CREB3L2: variants seen among roughly 807,000 people sequenced by gnomAD.
CREB3L2 encodes cAMP responsive element binding protein 3 like 2.
A neutral mutation model predicts 57.2 loss-of-function variants in CREB3L2; 23 were observed. That is an observed-to-expected ratio of 0.40 (90% confidence interval 0.29 to 0.57). The LOEUF (loss-of-function observed/expected upper bound fraction) is 0.57, where lower values mean the gene tolerates loss of function less well. Among genes scored for constraint, CREB3L2 ranks in the 20% least tolerant of loss-of-function variants. CREB3L2 has a pLI of 0.42. For synonymous variants in CREB3L2, 268 were observed against 265.1 expected, an observed-to-expected ratio of 1.01 and a Z score of -0.11; for missense variants, 628 against 634.7, an observed-to-expected ratio of 0.99 and a Z score of 0.11.
intron 1 of CREB3L2, among the ~76,000 whole-genome samples, chr7:137,948,055 C>G (rs1460821168): frequency 6.6e-6 from 1 of 152,216 alleles, no homozygotes; most frequent in African/African-American, 2.4e-5. Context: ...ACTTCCATAC[C>G]TGACCTCAAC....
At chr7:137,902,993 A>AT (rs1044410927) in intron 7 of CREB3L2, among the ~76,000 whole-genome samples, 1 of 151,076 alleles carries the variant, frequency 6.6e-6, no homozygotes, top group South Asian at 2.1e-4. Flanking sequence ...ATTTTTTTTT[A>AT]TTTTTTAGGG....
At position 138,001,011 on chromosome 7, in the gene CREB3L2, A is replaced by C. The variant is rs1191610982; in HGVS notation, c.102+593T>G. ...TTTTTCCTCCGAAGAGGGAGGAAGG[A>C]GACTTCTTGGTCGTACAGTTTAAGA... is the stretch of plus-strand genomic sequence containing the variant. On this transcript the variant is annotated intron_variant, in intron 1 of 11. Transcript: ENST00000330387. The surrounding 1 kb of genome is among the most constrained non-coding windows in gnomAD (Gnocchi z 4.2). 1.3e-5 allele frequency among the ~76,000 whole-genome samples: 2 copies of C among 151,498 alleles called. No individual in the cohort carries two copies. Among genetic ancestry groups the C allele is most frequent in the Non-Finnish European group, 2.9e-5 (2 of 67,912 alleles).
intron 1 of CREB3L2, among the ~76,000 whole-genome samples, chr7:137,978,821 G>A (rs565298358): frequency 6.6e-6 from 1 of 152,326 alleles, no homozygotes; most frequent in East Asian, 1.9e-4. Flanking sequence ...GGCACAGAGT[G>A]CGGCTCAGGA....
chr7:137,913,191 T>C (rs1800053989), intron 3 of CREB3L2, 113 bp from the exon 4 acceptor site: 1 of 1,076,366 alleles, frequency 9.3e-7, no homozygotes, highest in African/African-American at 1.6e-5. Flanking sequence ...CTGCCTATCC[T>C]GGAGAATAGC....
At chr7:137,978,107 T>C (rs1374315633) in intron 1 of CREB3L2, among the ~76,000 whole-genome samples, 1 of 152,086 alleles carries the variant, frequency 6.6e-6, no homozygotes, top group Non-Finnish European at 1.5e-5. Flanking sequence ...TATTATCATT[T>C]CACCTTACAA....
At chr7:137,908,100 G>C (rs1030271183) in intron 5 of CREB3L2, 152 bp downstream of exon 5, 2 of 474,592 alleles carry the variant, frequency 4.2e-6, no homozygotes, top group Admixed American at 4.4e-5. Context: ...GTGTTCTTTA[G>C]GGTTGACATC....
At chr7:137,935,651 C>T (rs1800763855) in intron 1 of CREB3L2, among the ~76,000 whole-genome samples, 1 of 152,132 alleles carries the variant, frequency 6.6e-6, no homozygotes, top group Admixed American at 6.5e-5. Context: ...GATCATAGAT[C>T]GTAGATAGTT....
intron 8 of CREB3L2, among the ~76,000 whole-genome samples, chr7:137,894,200 G>C (rs895314281): frequency 1.3e-5 from 2 of 152,160 alleles, no homozygotes; most frequent in African/African-American, 4.8e-5. Flanking sequence ...TTTACTGATT[G>C]CTTGCTATAA....
intron 2 of CREB3L2, among the ~76,000 whole-genome samples, chr7:137,925,125 G>A (rs1227514210): frequency 1.3e-5 from 2 of 152,102 alleles, no homozygotes; most frequent in Non-Finnish European, 2.9e-5. Flanking sequence ...GAGGGAGGAA[G>A]GGAAAGTTAG....
chr7:137,936,977 G>T (rs549919950), intron 1 of CREB3L2, among the ~76,000 whole-genome samples: 1 of 152,272 alleles, frequency 6.6e-6, no homozygotes, highest in African/African-American at 2.4e-5. Context: ...TGAAGCAGGT[G>T]GCCACGGCAG....
chr7:137,945,443 G>T (rs1800955519), intron 1 of CREB3L2, among the ~76,000 whole-genome samples: 1 of 152,102 alleles, frequency 6.6e-6, no homozygotes, highest in Admixed American at 6.5e-5. Context: ...AGTCCTCAGG[G>T]AACAAAAACC....
chr7:137,886,074 A>G (rs2117178027), intron 8 of CREB3L2, among the ~76,000 whole-genome samples: 1 of 152,266 alleles, frequency 6.6e-6, no homozygotes, highest in Non-Finnish European at 1.5e-5. Context: ...CTCGCCCAAC[A>G]CGGAATCTCC....
At chr7:137,953,103 C>T (rs1314854659) in intron 1 of CREB3L2, among the ~76,000 whole-genome samples, 1 of 152,222 alleles carries the variant, frequency 6.6e-6, no homozygotes, top group Non-Finnish European at 1.5e-5. Context: ...AGGCATGAGC[C>T]GCTGTGCCCA....
intron 1 of CREB3L2, among the ~76,000 whole-genome samples, chr7:137,966,187 T>A (rs1431908330): frequency 6.6e-6 from 1 of 152,206 alleles, no homozygotes; most frequent in Admixed American, 6.5e-5. Context: ...TGAAAAGTTA[T>A]GAAATTCCTC....
chr7:137,958,576 T>G lies in CREB3L2; in HGVS notation c.103-30210A>C, dbSNP rs1182268212. On this transcript the variant is annotated intron_variant, in intron 1 of 11. Transcript: ENST00000330387. ...AAGCCAAACAGCTTGAGATATCTGA[T>G]GAGTGATAAGAGTTTTAAAAAGCTG... Among the ~76,000 whole-genome samples the G allele has an allele frequency of 2.6e-5, 4 of 152,200 alleles. No individual in the cohort carries two copies. The East Asian group carries it at 7.7e-4, about 29-fold the overall frequency.
chr7:137,886,923 T>C (rs1799431573), intron 8 of CREB3L2, among the ~76,000 whole-genome samples: 1 of 152,056 alleles, frequency 6.6e-6, no homozygotes, highest in African/African-American at 2.4e-5. Flanking sequence ...CCTCCTGAGT[T>C]AGAGCACCCG....
intron 4 of CREB3L2, among the ~76,000 whole-genome samples, chr7:137,909,013 T>C (rs902518194): frequency 6.6e-6 from 1 of 152,082 alleles, no homozygotes; most frequent in Admixed American, 6.5e-5. Flanking sequence ...GGCAGGAGAA[T>C]TGCTTGAACC....
At chr7:137,996,672 A>G (rs1563277310) in intron 1 of CREB3L2, among the ~76,000 whole-genome samples, 1 of 152,212 alleles carries the variant, frequency 6.6e-6, no homozygotes, top group Non-Finnish European at 1.5e-5. Context: ...TCAGTAAGAC[A>G]TGGAAGCCAG....
At chr7:137,956,285 A>G (rs567185672) in intron 1 of CREB3L2, among the ~76,000 whole-genome samples, 9 of 152,346 alleles carry the variant, frequency 5.9e-5, no homozygotes, top group Admixed American at 3.3e-4. Flanking sequence ...CTAATTGAAC[A>G]TTTTCATTAT....
Sources: gnomAD v4.1 joint callset for allele counts (sites outside exome capture counted in the v4.1 genomes callset) on GRCh38, gnomAD v4.1.1 for gene constraint, Gnocchi (gnomAD v3.1) non-coding constraint, MANE v1.5 for transcripts, NCBI Gene and HGNC (gene_info 2026-07-23, HGNC 2026-07-21) for gene names.